Variants in CSMD2 observed in about 807,000 individuals in gnomAD.
The protein encoded by CSMD2 is CUB and sushi domain-containing protein 2.
In CSMD2, 130 loss-of-function variants were observed where a neutral mutation model predicts 398.5. That is an observed-to-expected ratio of 0.33 (90% CI 0.28 to 0.38). CSMD2 has a LOEUF of 0.38. CSMD2 is among the 10% of genes least tolerant of loss of function. CSMD2 has a pLI of 1.00. For missense variants in CSMD2, 3,829 were observed against 4,764.9 expected (o/e 0.80, Z 5.78); for synonymous variants, 1,828 against 1,908.5 (o/e 0.96, Z 1.10).
intron 49 of CSMD2, among the ~76,000 whole-genome samples, chr1:33,576,102 C>T (rs968043545): frequency 9.2e-5 from 14 of 151,976 alleles, no homozygotes; most frequent in Admixed American, 4.6e-4. Context: ...CAATCGCATA[C>T]GTTATGATGC....
intron 46 of CSMD2, among the ~76,000 whole-genome samples, chr1:33,584,408 A>T (rs112165650): frequency 0.053 from 8,062 of 152,238 alleles, 216 homozygotes; most frequent in Middle Eastern, 0.11. Context: ...GCGGAGGCTC[A>T]TGCCTGTAAT....
rs975067991 is a variant in CSMD2 at position 33,635,654 on chromosome 1, C to T, written c.4970-324G>A. 3.3e-5 allele frequency among the ~76,000 whole-genome samples: 5 copies of T among 152,226 alleles called. No homozygotes were observed. The East Asian group carries it at 5.8e-4, about 18-fold the overall frequency. On this transcript the variant is annotated intron_variant, in intron 30 of 70. Coordinates refer to ENST00000373381, the MANE Select transcript of CSMD2 (RefSeq NM_001281956.2). This position sits in a 1 kb window ranked among gnomAD's most constrained non-coding sequence, Gnocchi z 5.0. ...GCACATTAGGAACCTCTTCTGCTTA[C>T]ACGTGGAGCCTAGAAATGATCTGCT...
chr1:33,967,505 ATTTC>A (rs1227041432), intron 3 of CSMD2, among the ~76,000 whole-genome samples: 2 of 152,102 alleles, frequency 1.3e-5, no homozygotes, highest in Non-Finnish European at 2.9e-5. Flanking sequence ...ATCTCTATTG[ATTTC>A]TTTATCTCCG....
At chr1:34,017,912 T>C (rs1318370499) in intron 3 of CSMD2, among the ~76,000 whole-genome samples, 1 of 152,212 alleles carries the variant, frequency 6.6e-6, no homozygotes, top group Non-Finnish European at 1.5e-5. Flanking sequence ...CACCTCCACA[T>C]AGCTTTCACA....
intron 13 of CSMD2, among the ~76,000 whole-genome samples, chr1:33,757,163 G>T (rs937736658): frequency 2.0e-5 from 3 of 152,122 alleles, no homozygotes; most frequent in East Asian, 3.9e-4. Context: ...GTTGTGGGGT[G>T]GGGGGAGTGG....
intron 3 of CSMD2, among the ~76,000 whole-genome samples, chr1:34,030,500 T>C (rs1650276275): frequency 6.6e-6 from 1 of 152,236 alleles, no homozygotes; most frequent in African/African-American, 2.4e-5. Flanking sequence ...TAATGCCTGC[T>C]GTATATTCTC....
chr1:33,533,627 G>GT lies in CSMD2; in HGVS notation c.9991+168dup, dbSNP rs1455498146. The stretch of plus-strand genomic sequence containing the variant: ...GCCTTCCAATATCAGAAAGGCTTTT[G>GT]TGTGGAAGTCTTCTGTGAGGCCCCA... On this transcript the variant is annotated intron_variant, in intron 63 of 70. Coordinates refer to ENST00000373381, the MANE Select transcript of CSMD2 (RefSeq NM_001281956.2). This position sits in a 1 kb window ranked among gnomAD's most constrained non-coding sequence, Gnocchi z 4.2. Among the ~76,000 whole-genome samples, 51 of 152,310 alleles carry GT rather than the reference G, an allele frequency of 3.3e-4. No individual in the cohort carries two copies. The highest frequency in any genetic ancestry group is 1.2e-3 in the African/African-American group (50 of 41,574).
At position 33,864,156 on chromosome 1, in the gene CSMD2, C is replaced by T. The variant is rs375927098; in HGVS notation, c.921-17160G>A. ...TGGGAACAACAGTCTCTCCTGTCCA[C>T]GTTACTGAATCCAGAAAAAAGGTGA... On this transcript the variant is annotated intron_variant, in intron 5 of 70. Coordinates refer to ENST00000373381, the MANE Select transcript of CSMD2 (RefSeq NM_001281956.2). 31 of 1,549,248 alleles carry T rather than the reference C, an allele frequency of 2.0e-5. No individual in the cohort carries two copies. In the African/African-American group the frequency reaches 2.8e-4, roughly 14 times the overall value.
chr1:33,525,150 C>T, intron 65 of CSMD2, 107 bp from the exon 66 acceptor site: 1 of 1,157,958 alleles, frequency 8.6e-7, no homozygotes, highest in East Asian at 2.4e-5. Context: ...TTTCCTTTCC[C>T]CAATGTCTAC....
chr1:33,719,979 T>C (rs1646303443), intron 19 of CSMD2, among the ~76,000 whole-genome samples: 1 of 152,184 alleles, frequency 6.6e-6, no homozygotes, highest in South Asian at 2.1e-4. Flanking sequence ...GACTCCTGAA[T>C]TGGCTGCTCC....
intron 2 of CSMD2, among the ~76,000 whole-genome samples, chr1:34,059,909 G>C (rs1285831872): frequency 1.3e-5 from 2 of 152,144 alleles, no homozygotes; most frequent in African/African-American, 4.8e-5. Context: ...CATCTCATCT[G>C]TGTTCATTCA....
chr1:33,995,832 G>A (rs1344372146), intron 3 of CSMD2, among the ~76,000 whole-genome samples: 1 of 152,238 alleles, frequency 6.6e-6, no homozygotes, highest in Non-Finnish European at 1.5e-5. Flanking sequence ...ACCGGGAGCA[G>A]TGGTTCATCT....
At chr1:33,561,893 C>T (rs994563245) in intron 53 of CSMD2, among the ~76,000 whole-genome samples, 4 of 152,118 alleles carry the variant, frequency 2.6e-5, no homozygotes, top group Non-Finnish European at 4.4e-5. Context: ...ATTACTTTCA[C>T]CGGATTTGGA....
In CSMD2 at chr1:34,078,438, A is replaced by G. The variant is rs112017346; in HGVS notation, c.404+10539T>C. 4.4e-3 allele frequency among the ~76,000 whole-genome samples: 665 copies of G among 152,306 alleles called. 3 individuals carry two copies. Among genetic ancestry groups the G allele is most frequent in the Non-Finnish European group, 6.9e-3 (466 of 68,020 alleles). On this transcript the variant is annotated intron_variant, in intron 2 of 70. Coordinates refer to ENST00000373381, the MANE Select transcript of CSMD2 (RefSeq NM_001281956.2). ...CCACAGATGAAGTGTCATCACAGGC[A>G]CTAGAACTCTCTGGAAAGGTCTGAG...
At chr1:34,032,944 TC>T (rs1407673538) in intron 2 of CSMD2, among the ~76,000 whole-genome samples, 4 of 152,236 alleles carry the variant, frequency 2.6e-5, no homozygotes, top group African/African-American at 9.6e-5. Flanking sequence ...CTTGCCTGCT[TC>T]CTTTGTGTTT....
intron 49 of CSMD2, among the ~76,000 whole-genome samples, chr1:33,573,916 GA>G (rs969442334): frequency 1.3e-4 from 19 of 150,672 alleles, no homozygotes; most frequent in South Asian, 6.3e-4. Context: ...TAGAAAGAGG[GA>G]AAAAAAAATG....
intron 3 of CSMD2, among the ~76,000 whole-genome samples, chr1:33,993,788 A>T (rs1212551121): frequency 6.6e-6 from 1 of 152,038 alleles, no homozygotes; most frequent in Non-Finnish European, 1.5e-5. Context: ...GCTTTCTCTC[A>T]AAACTCACTC....
chr1:34,100,865 C>T (rs1217915799), intron 1 of CSMD2, among the ~76,000 whole-genome samples: 1 of 152,180 alleles, frequency 6.6e-6, no homozygotes, highest in Non-Finnish European at 1.5e-5. Context: ...AAATGTTCCC[C>T]TATACAGTAA....
intron 44 of CSMD2, among the ~76,000 whole-genome samples, chr1:33,595,428 T>G (rs1639772421): frequency 6.6e-6 from 1 of 152,210 alleles, no homozygotes; most frequent in Admixed American, 6.5e-5. Flanking sequence ...GAGGTGGGCG[T>G]GTCTTCCAGT....
Sources: gnomAD v4.1 joint callset for allele counts (sites outside exome capture counted in the v4.1 genomes callset) on GRCh38, gnomAD v4.1.1 for gene constraint, Gnocchi (gnomAD v3.1) non-coding constraint, MANE v1.5 for transcripts, NCBI Gene and HGNC (gene_info 2026-07-23, HGNC 2026-07-21) for gene names.